Variants in CCDC171 observed in about 807,000 individuals in gnomAD.
CCDC171 encodes coiled-coil domain-containing protein 171.
Under a neutral mutation model 168.2 loss-of-function variants are expected in CCDC171, and 177 were observed. That is an observed-to-expected ratio of 1.05 (90% CI 0.93 to 1.19). The LOEUF (loss-of-function observed/expected upper bound fraction) is 1.19. Among genes scored for constraint, CCDC171 ranks in the 50% most tolerant of loss-of-function variants. The pLI is 0.00. For missense variants in CCDC171, 1,991 were observed against 1,539.0 expected (o/e 1.29, Z -4.91); for synonymous variants, 687 against 540.8 (o/e 1.27, Z -3.75).
intron 6 of CCDC171, 116 bp downstream of exon 6, chr9:15,594,288 C>G: frequency 1.6e-6 from 1 of 621,082 alleles, no homozygotes; most frequent in Admixed American, 3.7e-5. Flanking sequence ...AGTTTTGATT[C>G]TGGAAGGCCA....
intron 21 of CCDC171, among the ~76,000 whole-genome samples, chr9:15,811,440 T>C (rs958475604): frequency 6.6e-6 from 1 of 152,210 alleles, no homozygotes; most frequent in African/African-American, 2.4e-5. Flanking sequence ...CCGTACTCTA[T>C]TCTTGAGATG....
At position 15,612,367 on chromosome 9, in the gene CCDC171, C is replaced by G. The variant is rs140044222; in HGVS notation, c.676-10900C>G. Among the ~76,000 whole-genome samples the G allele has an allele frequency of 4.6e-3, 699 of 152,268 alleles. 7 individuals are homozygous for G. The highest frequency in any genetic ancestry group is 0.016 in the African/African-American group (663 of 41,564). On this transcript the variant is annotated intron_variant, in intron 6 of 25. Transcript: ENST00000380701. ...ATTTGCTCCTGACATCTTTTGTTGG[C>G]TATCATTTTCTCCACCATTCATTGT...
intron 21 of CCDC171, among the ~76,000 whole-genome samples, chr9:15,834,495 G>A (rs1013644345): frequency 1.1e-4 from 16 of 152,140 alleles, no homozygotes; most frequent in Non-Finnish European, 2.4e-4. Flanking sequence ...TACTTAAGAT[G>A]TTATTTCGGA....
In CCDC171 at chr9:15,950,464, A is replaced by G. The variant is rs549536389; in HGVS notation, c.3754-21145A>G. Reference sequence around the variant, plus strand: ...ACAAGCCAGAAGAGAGTGGGTGCCAATATTCAACATTCTGAAAGAAAAGAA... The same window carrying G: ...ACAAGCCAGAAGAGAGTGGGTGCCAGTATTCAACATTCTGAAAGAAAAGAA... On this transcript the variant is annotated intron_variant, in intron 25 of 25. Transcript: ENST00000380701. Among the ~76,000 whole-genome samples, 67 of 152,272 alleles carry G rather than the reference A, an allele frequency of 4.4e-4. 1 individual carries two copies. The highest frequency in any genetic ancestry group is 1.5e-3 in the African/African-American group (64 of 41,574).
chr9:15,914,443 C>T (rs1824184283), intron 24 of CCDC171, among the ~76,000 whole-genome samples: 1 of 152,158 alleles, frequency 6.6e-6, no homozygotes, highest in Non-Finnish European at 1.5e-5. Flanking sequence ...TTTGTTTAAA[C>T]TGTGAGGGGA....
At chr9:15,868,729 A>G (rs750021471) in intron 23 of CCDC171, among the ~76,000 whole-genome samples, 12 of 152,154 alleles carry the variant, frequency 7.9e-5, no homozygotes, top group African/African-American at 2.9e-4. Context: ...ATATATAGAT[A>G]TTAAAACGCA....
At chr9:15,792,420 C>G (rs1044046398) in intron 21 of CCDC171, among the ~76,000 whole-genome samples, 1 of 152,162 alleles carries the variant, frequency 6.6e-6, no homozygotes, top group Non-Finnish European at 1.5e-5. Context: ...TCCAGGAGAA[C>G]TTCCCCAACC....
rs1053476474 is a variant in CCDC171 at position 15,791,205 on chromosome 9, G to A, written c.3267+6511G>A. Among the ~76,000 whole-genome samples, 108 of 152,104 alleles carry A rather than the reference G, an allele frequency of 7.1e-4. 1 individual carries two copies. Among genetic ancestry groups the A allele is most frequent in the African/African-American group, 2.4e-3 (98 of 41,406 alleles). On this transcript the variant is annotated intron_variant, in intron 21 of 25. Transcript: ENST00000380701. ...CCTTGGGCGGTATGGCCATTTTCAC[G>A]ATGTTGATTCTTCCTATCCATGAGC...
At chr9:15,764,865 TG>T (rs2056640077) in intron 18 of CCDC171, among the ~76,000 whole-genome samples, 1 of 152,180 alleles carries the variant, frequency 6.6e-6, no homozygotes, top group South Asian at 2.1e-4. Context: ...AGATTTTGGC[TG>T]GGGTGGGACA....
rs568614954 is a variant in CCDC171 at position 15,685,477 on chromosome 9, T to A, written c.1215+6581T>A. On this transcript the variant is annotated intron_variant, in intron 10 of 25. Coordinates refer to ENST00000380701, the MANE Select transcript of CCDC171 (RefSeq NM_173550.4). ...AGACTCCCATATCTACAAAAAAATT[T>A]AAAAAAAATGAGCTGTGCGTGGTGA... Among the ~76,000 whole-genome samples the A allele has an allele frequency of 4.3e-4, 65 of 151,670 alleles. 1 individual carries two copies. Among genetic ancestry groups the A allele is most frequent in the African/African-American group, 6.5e-4 (27 of 41,352 alleles).
At chr9:15,671,795 T>C (rs1215012392) in intron 9 of CCDC171, among the ~76,000 whole-genome samples, 2 of 152,186 alleles carry the variant, frequency 1.3e-5, no homozygotes, top group Non-Finnish European at 2.9e-5. Context: ...TCTTTGTGAA[T>C]AGTGCCGCAA....
intron 23 of CCDC171, among the ~76,000 whole-genome samples, chr9:15,865,299 C>T (rs192713407): frequency 3.3e-5 from 5 of 152,072 alleles, no homozygotes; most frequent in African/African-American, 1.2e-4. Flanking sequence ...GTTCCAGAAA[C>T]TGTAGTAGCC....
At chr9:15,793,634 C>G (rs965729387) in intron 21 of CCDC171, among the ~76,000 whole-genome samples, 1 of 134,394 alleles carries the variant, frequency 7.4e-6, no homozygotes, top group African/African-American at 2.9e-5. Flanking sequence ...ACTGCAAGCT[C>G]TACTCTCCAG....
At chr9:15,629,643 C>T (rs1050319329) in intron 7 of CCDC171, among the ~76,000 whole-genome samples, 1 of 152,164 alleles carries the variant, frequency 6.6e-6, no homozygotes, top group East Asian at 1.9e-4. Context: ...TCTAGCAAGG[C>T]AGGCCAACAT....
At chr9:15,816,094 A>G (rs1407503874) in intron 21 of CCDC171, among the ~76,000 whole-genome samples, 1 of 118,076 alleles carries the variant, frequency 8.5e-6, no homozygotes, top group Non-Finnish European at 1.9e-5. Flanking sequence ...ATGATGTCCT[A>G]TTATGATATG....
chr9:15,722,262 A>C (rs2053533274), intron 12 of CCDC171, among the ~76,000 whole-genome samples: 1 of 152,226 alleles, frequency 6.6e-6, no homozygotes, highest in African/African-American at 2.4e-5. Context: ...TCAGTGTTTT[A>C]GGTTAAGATT....
intron 6 of CCDC171, among the ~76,000 whole-genome samples, chr9:15,599,519 C>T (rs1337198545): frequency 1.3e-5 from 2 of 152,206 alleles, no homozygotes. Context: ...GAGAGATCCG[C>T]TGTTAGTCTG....
intron 25 of CCDC171, among the ~76,000 whole-genome samples, chr9:15,968,901 A>G (rs1831075165): frequency 6.6e-6 from 1 of 152,120 alleles, no homozygotes; most frequent in Non-Finnish European, 1.5e-5. Flanking sequence ...TCATGAAAAA[A>G]GTTTTTTTCT....
chr9:15,929,365 A>C lies in CCDC171; in HGVS notation c.3753+8943A>C, dbSNP rs192654084. On this transcript the variant is annotated intron_variant, in intron 25 of 25. Coordinates refer to ENST00000380701, the MANE Select transcript of CCDC171 (RefSeq NM_173550.4). ...ATTGAGTTCTTTAAGGGTTTCAATTACCTATTAAACATCTGCACTTTGATT... is the reference window on the plus strand; with the variant it reads ...ATTGAGTTCTTTAAGGGTTTCAATTCCCTATTAAACATCTGCACTTTGATT... Among the ~76,000 whole-genome samples, 252 of 151,802 alleles carry C rather than the reference A, an allele frequency of 1.7e-3. 1 individual carries two copies. Among genetic ancestry groups the C allele is most frequent in the Non-Finnish European group, 1.9e-3 (129 of 67,820 alleles).
Sources: gnomAD v4.1 joint callset for allele counts (sites outside exome capture counted in the v4.1 genomes callset) on GRCh38, gnomAD v4.1.1 for gene constraint, MANE v1.5 for transcripts, NCBI Gene and HGNC (gene_info 2026-07-23, HGNC 2026-07-21) for gene names.